The following ELAVL2 variants were observed in gnomAD, a reference collection of about 807,000 sequenced individuals.
ELAVL2 encodes ELAV-like protein 2.
Under a neutral mutation model 34.6 loss-of-function variants are expected in ELAVL2, and 4 were observed. That is an observed-to-expected ratio of 0.12 (90% CI 0.06 to 0.26). The LOEUF (loss-of-function observed/expected upper bound fraction) is 0.26. Among genes scored for constraint, ELAVL2 ranks in the 10% least tolerant of loss-of-function variants. The pLI is 1.00. For missense variants in ELAVL2, 432 were observed against 442.8 expected, an observed-to-expected ratio of 0.98 and a Z score of 0.22; for synonymous variants, 193 against 154.8, an observed-to-expected ratio of 1.25 and a Z score of -1.83.
At chr9:23,781,692 CTTT>C (rs931294862) in intron 1 of ELAVL2, among the ~76,000 whole-genome samples, 3 of 151,218 alleles carry the variant, frequency 2.0e-5, no homozygotes, top group African/African-American at 7.3e-5. Flanking sequence ...TTTTTTAAAT[CTTT>C]TTTTGTTTGT....
At chr9:23,850,489 G>A in the ELAVL2 span, among the ~76,000 whole-genome samples, 1 of 152,056 alleles carries the variant, frequency 6.6e-6, no homozygotes, top group Admixed American at 6.5e-5. Flanking sequence ...TCTCGTTCCT[G>A]CCTCTTTCGA....
At chr9:23,721,500 A>G (rs1258625342) in intron 3 of ELAVL2, among the ~76,000 whole-genome samples, 1 of 152,244 alleles carries the variant, frequency 6.6e-6, no homozygotes, top group Non-Finnish European at 1.5e-5. Context: ...AACCAAGAAC[A>G]GAACACAAAT....
intron 1 of ELAVL2, among the ~76,000 whole-genome samples, chr9:23,816,355 A>C (rs2063723255): frequency 6.6e-6 from 1 of 150,904 alleles, no homozygotes; most frequent in Non-Finnish European, 1.5e-5. Flanking sequence ...AAGGGGATAA[A>C]AATCCATCTT....
intron 1 of ELAVL2, among the ~76,000 whole-genome samples, chr9:23,808,898 T>C (rs1022650883): frequency 7.2e-5 from 11 of 152,108 alleles, no homozygotes; most frequent in South Asian, 2.1e-4. Context: ...CTGAATTCCA[T>C]AGGGAACTGG....
In ELAVL2 at chr9:23,733,620, C is replaced by T. The variant is rs556147778; in HGVS notation, c.230-2495G>A. ...TACTTCAAAGAAACAGTTTATTGGCCTCCTGAGGTCTGTCTGGGGCACAAG... is the reference window on the plus strand; with the variant it reads ...TACTTCAAAGAAACAGTTTATTGGCTTCCTGAGGTCTGTCTGGGGCACAAG... On this transcript the variant is annotated intron_variant, in intron 2 of 6. Coordinates refer to ENST00000397312, the MANE Select transcript of ELAVL2 (RefSeq NM_004432.5). 7.0e-4 allele frequency among the ~76,000 whole-genome samples: 107 copies of T among 152,230 alleles called. No homozygotes were observed. The Middle Eastern group carries it at 0.02, about 29-fold the overall frequency.
chr9:23,728,379 C>G (rs1017141432), intron 3 of ELAVL2, among the ~76,000 whole-genome samples: 1 of 152,036 alleles, frequency 6.6e-6, no homozygotes, highest in Non-Finnish European at 1.5e-5. Flanking sequence ...ACCAAAAAGT[C>G]GGAGCTGCAA....
intron 4 of ELAVL2, among the ~76,000 whole-genome samples, chr9:23,702,971 A>AAAAAAAAAAAAAAAAAAAAAAAC (rs2037924949): frequency 6.8e-6 from 1 of 146,602 alleles, no homozygotes; most frequent in Non-Finnish European, 1.5e-5. Flanking sequence ...AAAAAAAAAA[A>AAAAAAAAAAAAAAAAAAAAAAAC]AAAAAAAAAA....
chr9:23,718,994 A>G (rs2042997291), intron 3 of ELAVL2, among the ~76,000 whole-genome samples: 1 of 152,200 alleles, frequency 6.6e-6, no homozygotes, highest in Admixed American at 6.5e-5. Context: ...ATTTTAAAAG[A>G]AAGAGTTTTT....
At chr9:23,735,987 T>G (rs2047794880) in intron 2 of ELAVL2, among the ~76,000 whole-genome samples, 1 of 152,202 alleles carries the variant, frequency 6.6e-6, no homozygotes, top group Non-Finnish European at 1.5e-5. Context: ...AAGCATCAGC[T>G]ATTCCCCTGC....
chr9:23,703,213 A>G (rs887319090), intron 4 of ELAVL2, among the ~76,000 whole-genome samples: 1 of 152,226 alleles, frequency 6.6e-6, no homozygotes, highest in Non-Finnish European at 1.5e-5. Context: ...AGCAGGTAAA[A>G]GATGAGACGC....
intron 5 of ELAVL2, among the ~76,000 whole-genome samples, chr9:23,697,289 C>T (rs998258625): frequency 6.6e-5 from 10 of 152,136 alleles, no homozygotes; most frequent in African/African-American, 2.2e-4. Flanking sequence ...CCGATTATTT[C>T]TCCTACTCTT....
chr9:23,775,674 G>A (rs2058071995), intron 1 of ELAVL2, among the ~76,000 whole-genome samples: 1 of 152,106 alleles, frequency 6.6e-6, no homozygotes, highest in African/African-American at 2.4e-5. Context: ...GCTCCCTAGT[G>A]AGGCAGCTGA....
intron 5 of ELAVL2, among the ~76,000 whole-genome samples, chr9:23,695,141 G>T (rs1221658365): frequency 6.6e-6 from 1 of 152,058 alleles, no homozygotes; most frequent in East Asian, 1.9e-4. Context: ...CAAGAATAAG[G>T]ATCACAACTA....
In ELAVL2 at chr9:23,690,985, AT is replaced by A. The variant is rs961839682; in HGVS notation, c.*1571del. The A allele has an allele frequency of 1.3e-5, 2 of 152,692 alleles. No individual in the cohort carries two copies. Among genetic ancestry groups the A allele is most frequent in the African/African-American group, 4.8e-5 (2 of 41,570 alleles). The allele number at this position is 152,692 out of a possible 1,614,324, so 9.5% of individuals were successfully genotyped here. ...GATATTTATGATTTTTGTATGAAAA[AT>A]GTAAGGAAATTTGTTCAAAACCTAT... On this transcript the variant is annotated 3_prime_UTR_variant, in exon 7 of 7. Transcript: ENST00000397312.
At chr9:23,798,298 G>A (rs1162708641) in intron 1 of ELAVL2, among the ~76,000 whole-genome samples, 1 of 152,160 alleles carries the variant, frequency 6.6e-6, no homozygotes, top group East Asian at 1.9e-4. Context: ...TAACACCTGG[G>A]CAGAGAGAAT....
chr9:23,779,222 A>T, intron 1 of ELAVL2: 1 of 985,392 alleles, frequency 1.0e-6, no homozygotes, highest in Non-Finnish European at 1.2e-6. Flanking sequence ...CTGAAGGGTA[A>T]ATAAGAGGTC....
intron 3 of ELAVL2, among the ~76,000 whole-genome samples, chr9:23,715,057 G>A (rs2041949577): frequency 6.6e-6 from 1 of 152,080 alleles, no homozygotes; most frequent in Non-Finnish European, 1.5e-5. Context: ...ACTTCTAGAG[G>A]GAGGGTTGAA....
intron 1 of ELAVL2, among the ~76,000 whole-genome samples, chr9:23,782,627 G>A (rs905803681): frequency 2.6e-5 from 4 of 151,978 alleles, no homozygotes; most frequent in Non-Finnish European, 1.5e-5. Flanking sequence ...CCATGCAAGA[G>A]CTTAAGCCAT....
intron 1 of ELAVL2, chr9:23,783,375 G>A: frequency 1.1e-6 from 1 of 923,674 alleles, no homozygotes; most frequent in Non-Finnish European, 1.3e-6. Context: ...TAACTCCAAG[G>A]AAAACCGAAA....
Sources: allele counts gnomAD v4.1 joint callset (sites outside exome capture counted in the v4.1 genomes callset), GRCh38; gene constraint gnomAD v4.1.1; transcripts MANE v1.5; gene names NCBI Gene and HGNC (gene_info 2026-07-23, HGNC 2026-07-21).